ADGB: variants seen among roughly 807,000 people sequenced by gnomAD.
ADGB encodes androglobin.
ADGB carries 172 observed loss-of-function variants against 210.5 expected under a neutral mutation model. The ratio of observed to expected loss-of-function variants is 0.82; its 90% confidence interval spans 0.72 to 0.93. ADGB has a LOEUF of 0.93. Ranked by LOEUF, ADGB falls within the 40% of genes least tolerant of loss-of-function variation. ADGB has a pLI of 0.00. For synonymous variants in ADGB, 658 were observed against 662.7 expected (o/e 0.99, Z 0.11); for missense variants, 2,025 against 1,964.8 (o/e 1.03, Z -0.58).
intron 33 of ADGB, among the ~76,000 whole-genome samples, chr6:146,792,545 C>CTT (rs916459539): frequency 3.5e-5 from 5 of 144,710 alleles, no homozygotes; most frequent in Non-Finnish European, 7.6e-5. Flanking sequence ...ACAGCACAGA[C>CTT]TTTTTTTTTT....
At chr6:146,780,237 C>G (rs1341556982) in intron 29 of ADGB, among the ~76,000 whole-genome samples, 4 of 151,412 alleles carry the variant, frequency 2.6e-5, no homozygotes, top group Non-Finnish European at 5.9e-5. Flanking sequence ...AAAATCTATA[C>G]AAACAAATAA....
intron 27 of ADGB, among the ~76,000 whole-genome samples, chr6:146,753,168 T>C (rs887241394): frequency 1.3e-5 from 2 of 152,090 alleles, no homozygotes; most frequent in South Asian, 2.1e-4. Context: ...TACGTAGTTA[T>C]GTTAGTAACT....
intron 23 of ADGB, among the ~76,000 whole-genome samples, chr6:146,738,423 C>G (rs942254000): frequency 7.3e-6 from 1 of 136,798 alleles, no homozygotes; most frequent in Non-Finnish European, 1.6e-5. Flanking sequence ...GAATCCCATT[C>G]GAATCCCATT....
At chr6:146,808,804 T>C (rs1778253841) in intron 35 of ADGB, among the ~76,000 whole-genome samples, 1 of 152,074 alleles carries the variant, frequency 6.6e-6, no homozygotes, top group African/African-American at 2.4e-5. Context: ...GCCATCCTCC[T>C]AATTTTTTTT....
chr6:146,645,492 T>A (rs1775596223), intron 3 of ADGB, among the ~76,000 whole-genome samples: 1 of 149,102 alleles, frequency 6.7e-6, no homozygotes, highest in East Asian at 1.9e-4. Context: ...TCCAAGGGTT[T>A]AATTATGACT....
chr6:146,810,373 C>T (rs902553195), intron 35 of ADGB, among the ~76,000 whole-genome samples: 1 of 152,150 alleles, frequency 6.6e-6, no homozygotes, highest in African/African-American at 2.4e-5. Context: ...TTGCAATAGC[C>T]GTTACAGAAA....
rs1406202882 is a variant in ADGB, at chr6:146,656,906, C to T, written c.538C>T (p.Leu180=). 3 of 1,551,532 alleles carry T rather than the reference C, an allele frequency of 1.9e-6. No individual in the cohort carries two copies. The highest frequency in any genetic ancestry group is 2.6e-6 in the Non-Finnish European group (3 of 1,146,908). The change falls in exon 5 of 36, where the codon CTG becomes TTG. Residue 180 remains leucine, a synonymous_variant. Coordinates refer to ENST00000397944, the MANE Select transcript of ADGB (RefSeq NM_024694.4). ...GAAGCCCTGGGAACACATATACTCTCTGTGCAAGGCTGTGAAGGGTCATAT... is the reference window on the plus strand; with the variant it reads ...GAAGCCCTGGGAACACATATACTCTTTGTGCAAGGCTGTGAAGGGTCATAT... ...PWKPWEHIYS[L]CKAVKGHMPL... is the part of the protein sequence containing the mutation.
At chr6:146,706,448 C>T (rs1272815696) in intron 13 of ADGB, among the ~76,000 whole-genome samples, 3 of 151,616 alleles carry the variant, frequency 2.0e-5, no homozygotes, top group African/African-American at 7.3e-5. Flanking sequence ...TTAGTAGAGA[C>T]GAGATTTCAC....
intron 9 of ADGB, among the ~76,000 whole-genome samples, chr6:146,680,475 C>A (rs1776143120): frequency 6.6e-6 from 1 of 152,100 alleles, no homozygotes. Flanking sequence ...TAACTCCTGC[C>A]AGAAGTTGAG....
At chr6:146,812,565 A>G (rs2328760) in intron 35 of ADGB, among the ~76,000 whole-genome samples, 42,453 of 147,890 alleles carry the variant, frequency 0.29, 4,232 homozygotes, top group East Asian at 0.57. Context: ...GATAAGGTGA[A>G]CATTCCAAGA....
At position 146,784,034 on chromosome 6, in the gene ADGB, A is replaced by G. The variant is rs184660116; in HGVS notation, c.4036-584A>G. Among the ~76,000 whole-genome samples the G allele has an allele frequency of 8.8e-4, 134 of 152,354 alleles. No individual in the cohort carries two copies. In the Middle Eastern group the frequency reaches 0.037, roughly 43 times the overall value. On this transcript the variant is annotated intron_variant, in intron 30 of 35. Transcript: ENST00000397944. ...ACAGTTTTAAGTAAAATTTGCATAC[A>G]TGAAATGCACAAATCACAGTTATAA...
At chr6:146,633,070 C>T (rs1781086657) in intron 1 of ADGB, among the ~76,000 whole-genome samples, 1 of 152,134 alleles carries the variant, frequency 6.6e-6, no homozygotes. Flanking sequence ...TACTCAGTAT[C>T]CTCAAGGCTG....
At position 146,725,173 on chromosome 6, in the gene ADGB, G is replaced by A. The variant is rs897345987; in HGVS notation, c.2237+846G>A. 3.3e-5 allele frequency: 5 copies of A among 152,028 alleles called. No homozygotes were observed. In the East Asian group the frequency reaches 9.6e-4, roughly 29 times the overall value. The allele number at this position is 152,028 out of a possible 1,614,324, so 9.4% of individuals were successfully genotyped here. On this transcript the variant is annotated intron_variant, in intron 18 of 35. Transcript: ENST00000397944. ...CAGCAAATCAAATTACTCTGTCTGA[G>A]TGCTTATTCATTTGAGACAACCAAG...
At chr6:146,693,545 C>T (rs570875700) in intron 12 of ADGB, among the ~76,000 whole-genome samples, 2 of 152,174 alleles carry the variant, frequency 1.3e-5, no homozygotes, top group East Asian at 1.9e-4. Context: ...TACGGCAGCC[C>T]GAGCAAACAA....
Position 146,726,184 on chromosome 6 carries a change from C to T in ADGB, c.2339C>T (p.Pro780Leu). 2 of 1,544,842 alleles carry T rather than the reference C, an allele frequency of 1.3e-6. No individual in the cohort carries two copies. The highest frequency in any genetic ancestry group is 8.8e-7 in the Non-Finnish European group (1 of 1,141,118). The change falls in exon 19 of 36, where the codon CCC (proline) becomes CTC (leucine). Residue 780 changes from proline to leucine, a missense_variant. By Grantham distance (98) the Pro-to-Leu change is moderately conservative. Coordinates refer to ENST00000397944, the MANE Select transcript of ADGB (RefSeq NM_024694.4). ...FVIGDEHVVL[P>L]NFEPESCRFT... is the part of the protein sequence containing the mutation. ...ATTGGGGATGAACACGTTGTACTGC[C>T]CAACTTTGAACCAGTAAGTATTTTT...
At chr6:146,676,228 T>G in intron 8 of ADGB, 85 bp from the exon 9 acceptor site, 1 of 1,291,272 alleles carries the variant, frequency 7.7e-7, no homozygotes, top group African/African-American at 1.5e-5. Context: ...ATTTTGGCCT[T>G]TTTTCTTTAA....
intron 28 of ADGB, among the ~76,000 whole-genome samples, chr6:146,765,520 T>C (rs1777559814): frequency 6.6e-6 from 1 of 151,754 alleles, no homozygotes. Context: ...TATAGTATGT[T>C]ATCTGAACTT....
At chr6:146,786,586 T>G (rs1777877666) in intron 32 of ADGB, among the ~76,000 whole-genome samples, 1 of 152,182 alleles carries the variant, frequency 6.6e-6, no homozygotes, top group Admixed American at 6.6e-5. Context: ...CTATAGCAAC[T>G]ATGAGGTATG....
rs1157437944 is a variant in ADGB, at chr6:146,752,595, C to A, written c.3431C>A (p.Ala1144Glu). Residue 1144 changes from alanine (A) to glutamate (E), a missense_variant, in exon 27 of 36, where the codon GCA becomes GAA. By Grantham distance (107) the Ala-to-Glu change is moderately radical. Transcript: ENST00000397944. ...CAGGTACGCACATCCAAACCAGATG[C>A]ATTCATCAAGCTGCAGGTCCTAGAA... is the stretch of plus-strand genomic sequence containing the variant. ...TIQVRTSKPD[A>E]FIKLQVLENE... is the part of the protein sequence containing the mutation. 6.4e-7 allele frequency: 1 copy of A among 1,550,912 alleles called. No individual in the cohort carries two copies. The highest frequency in any genetic ancestry group is 1.2e-5 in the South Asian group (1 of 84,016).
Sources: gnomAD v4.1 joint callset for allele counts (sites outside exome capture counted in the v4.1 genomes callset) on GRCh38, gnomAD v4.1.1 for gene constraint, MANE v1.5 for transcripts, NCBI Gene and HGNC (gene_info 2026-07-23, HGNC 2026-07-21) for gene names.